The following ERC2 variants were observed in gnomAD, a reference collection of about 807,000 sequenced individuals.
ERC2 encodes the protein ERC protein 2.
Under a neutral mutation model 114.8 loss-of-function variants are expected in ERC2, and 42 were observed. The observed-to-expected ratio is 0.37, with a 90% confidence interval of 0.29 to 0.47. ERC2 has a LOEUF of 0.47. Among genes scored for constraint, ERC2 ranks in the 20% least tolerant of loss-of-function variants. ERC2 has a pLI of 0.99. For missense variants in ERC2, 939 were observed against 1,150.7 expected (o/e 0.82, Z 2.66); for synonymous variants, 454 against 425.5 (o/e 1.07, Z -0.82).
chr3:56,236,438 G>A (rs978814413), intron 3 of ERC2, among the ~76,000 whole-genome samples: 10 of 152,184 alleles, frequency 6.6e-5, no homozygotes, highest in Non-Finnish European at 1.2e-4. Context: ...GACAGCAAGT[G>A]CTCTTCTTGA....
intron 14 of ERC2, among the ~76,000 whole-genome samples, chr3:55,748,173 C>G (rs1008623372): frequency 6.6e-6 from 1 of 152,220 alleles, no homozygotes; most frequent in African/African-American, 2.4e-5. Flanking sequence ...AATTTCCACC[C>G]TGGGAGGAGC....
At chr3:55,536,228 C>T (rs2053992004) in intron 17 of ERC2, among the ~76,000 whole-genome samples, 1 of 152,142 alleles carries the variant, frequency 6.6e-6, no homozygotes, top group African/African-American at 2.4e-5. Context: ...TTCTCCTGTC[C>T]TCCTTCACTG....
intron 17 of ERC2, among the ~76,000 whole-genome samples, chr3:55,598,911 A>C (rs2058272986): frequency 6.6e-6 from 1 of 152,218 alleles, no homozygotes; most frequent in Non-Finnish European, 1.5e-5. Flanking sequence ...CACCACAGAC[A>C]TCTGCTTGCC....
intron 2 of ERC2, among the ~76,000 whole-genome samples, chr3:56,416,802 T>G (rs1478334936): frequency 6.6e-6 from 1 of 152,166 alleles, no homozygotes; most frequent in African/African-American, 2.4e-5. Context: ...TTTTTTTCTA[T>G]TACTCTAACC....
chr3:55,940,214 T>C (rs2066696835), intron 13 of ERC2, among the ~76,000 whole-genome samples: 1 of 152,022 alleles, frequency 6.6e-6, no homozygotes, highest in Non-Finnish European at 1.5e-5. Context: ...ATGTGCACCC[T>C]TCAATTAGTC....
At chr3:55,909,853 A>T (rs534286171) in intron 13 of ERC2, among the ~76,000 whole-genome samples, 1 of 152,280 alleles carries the variant, frequency 6.6e-6, no homozygotes, top group East Asian at 1.9e-4. Context: ...GAAAACACAA[A>T]ATATTAGGTT....
At chr3:55,729,733 G>A (rs573071106) in intron 15 of ERC2, among the ~76,000 whole-genome samples, 21 of 151,016 alleles carry the variant, frequency 1.4e-4, no homozygotes, top group African/African-American at 5.1e-4. Flanking sequence ...AGCTACTGGG[G>A]AGGCTGAGGT....
chr3:56,065,906 C>A (rs1022822070), intron 7 of ERC2, among the ~76,000 whole-genome samples: 1 of 152,158 alleles, frequency 6.6e-6, no homozygotes, highest in Admixed American at 6.5e-5. Context: ...GCATAGTATT[C>A]CATGGTGTAT....
intron 10 of ERC2, among the ~76,000 whole-genome samples, chr3:55,998,051 C>T (rs1420215854): frequency 3.3e-5 from 5 of 150,150 alleles, no homozygotes; most frequent in South Asian, 2.1e-4. Context: ...AGGCACAAGC[C>T]GCCACACCCA....
intron 17 of ERC2, among the ~76,000 whole-genome samples, chr3:55,603,220 T>C (rs1347669794): frequency 1.3e-5 from 2 of 152,212 alleles, no homozygotes; most frequent in South Asian, 4.1e-4. Flanking sequence ...AGAGATACTA[T>C]GTTTATAAAA....
At chr3:55,618,739 T>C (rs1212756298) in intron 17 of ERC2, among the ~76,000 whole-genome samples, 1 of 152,220 alleles carries the variant, frequency 6.6e-6, no homozygotes, top group Non-Finnish European at 1.5e-5. Context: ...ATTTTTGAAT[T>C]ATTTGAAATG....
At chr3:55,820,893 C>T (rs184339944) in intron 14 of ERC2, among the ~76,000 whole-genome samples, 70 of 152,242 alleles carry the variant, frequency 4.6e-4, no homozygotes, top group African/African-American at 1.3e-3. Context: ...ATAAGTGTAA[C>T]GGAGAGGGAG....
intron 17 of ERC2, among the ~76,000 whole-genome samples, chr3:55,596,143 G>A (rs1170642893): frequency 6.6e-6 from 1 of 152,164 alleles, no homozygotes; most frequent in Non-Finnish European, 1.5e-5. Context: ...AGAAAGCACA[G>A]TCAATTCAAA....
At chr3:56,358,976 T>C (rs1461296364) in intron 2 of ERC2, among the ~76,000 whole-genome samples, 1 of 152,196 alleles carries the variant, frequency 6.6e-6, no homozygotes, top group Admixed American at 6.5e-5. Context: ...GCAATAAAAT[T>C]GCAGAGCAAT....
chr3:56,104,308 A>G (rs575080886), intron 6 of ERC2, among the ~76,000 whole-genome samples: 14 of 152,334 alleles, frequency 9.2e-5, no homozygotes, highest in African/African-American at 3.4e-4. Flanking sequence ...AACTCTCTTC[A>G]AGACCCTCAC....
chr3:56,075,358 C>G (rs1482636621), intron 7 of ERC2, among the ~76,000 whole-genome samples: 1 of 152,158 alleles, frequency 6.6e-6, no homozygotes, highest in African/African-American at 2.4e-5. Flanking sequence ...GAAAAGACAG[C>G]TGACCAGACA....
At position 56,126,278 on chromosome 3, in the gene ERC2, T is replaced by C. The variant is rs550785587; in HGVS notation, c.1473+13231A>G. ...TCATTTGTCCTACTAGAATTTCCCA[T>C]GATGGGGAGCTTGTTCACTATATGC... On this transcript the variant is annotated intron_variant, in intron 6 of 17. Coordinates refer to ENST00000288221, the MANE Select transcript of ERC2 (RefSeq NM_015576.3). Among the ~76,000 whole-genome samples the C allele has an allele frequency of 5.5e-4, 84 of 152,342 alleles. No homozygotes were observed. In the Middle Eastern group the frequency reaches 0.014, roughly 25 times the overall value.
At chr3:56,413,239 G>A (rs1281383729) in intron 2 of ERC2, among the ~76,000 whole-genome samples, 2 of 152,174 alleles carry the variant, frequency 1.3e-5, no homozygotes, top group Admixed American at 6.5e-5. Context: ...GACCACTCCT[G>A]GAAACACTGC....
chr3:55,979,154 C>T (rs1458529469), intron 12 of ERC2, among the ~76,000 whole-genome samples: 3 of 152,210 alleles, frequency 2.0e-5, no homozygotes, highest in Non-Finnish European at 2.9e-5. Context: ...AACCATCAAA[C>T]TGACATATGA....
Sources: allele counts gnomAD v4.1 joint callset (sites outside exome capture counted in the v4.1 genomes callset), GRCh38; gene constraint gnomAD v4.1.1; transcripts MANE v1.5; gene names NCBI Gene and HGNC (gene_info 2026-07-23, HGNC 2026-07-21).